MYRIP: variants seen among roughly 807,000 people sequenced by gnomAD.
MYRIP encodes rab effector MyRIP.
MYRIP carries 49 observed loss-of-function variants against 98.0 expected under a neutral mutation model. That is an observed-to-expected ratio of 0.50 (90% CI 0.40 to 0.63). The LOEUF (loss-of-function observed/expected upper bound fraction) is 0.63. Ranked by LOEUF, MYRIP falls within the 30% of genes least tolerant of loss-of-function variation. The pLI, the probability that MYRIP is intolerant of heterozygous loss-of-function variation, is 0.00. For synonymous variants in MYRIP, 404 were observed against 409.5 expected (o/e 0.99, Z 0.16); for missense variants, 1,004 against 1,058.2 (o/e 0.95, Z 0.71).
chr3:39,872,508 C>A lies in MYRIP; in HGVS notation c.-30-28279C>A, dbSNP rs992256985. ...CCCCCTCCCCCCATCCCACAACAGT[C>A]CCCAGAGTGTGATGTTCCCCTTCCT... On this transcript the variant is annotated intron_variant, in intron 1 of 16. Coordinates refer to ENST00000302541, the MANE Select transcript of MYRIP (RefSeq NM_015460.4). Among the ~76,000 whole-genome samples, 3 of 141,058 alleles carry A rather than the reference C, an allele frequency of 2.1e-5. No homozygotes were observed. In the Admixed American group the frequency reaches 2.2e-4, roughly 10 times the overall value. The allele number at this position is 141,058 out of a possible 152,430, so 92.5% of individuals were successfully genotyped here.
At chr3:40,197,962 G>A (rs1413155901) in intron 10 of MYRIP, among the ~76,000 whole-genome samples, 1 of 152,114 alleles carries the variant, frequency 6.6e-6, no homozygotes, top group South Asian at 2.1e-4. Flanking sequence ...TTACTGCCTC[G>A]CATTATGCTT....
intron 2 of MYRIP, among the ~76,000 whole-genome samples, chr3:40,024,893 T>C (rs141188679): frequency 6.6e-6 from 1 of 152,320 alleles, no homozygotes; most frequent in Non-Finnish European, 1.5e-5. Flanking sequence ...TGGTTTGAAC[T>C]GAAATAATTC....
chr3:40,237,524 C>T (rs1272664036), intron 12 of MYRIP, among the ~76,000 whole-genome samples: 1 of 152,208 alleles, frequency 6.6e-6, no homozygotes, highest in Admixed American at 6.5e-5. Context: ...TCCTGTAGAA[C>T]AGGGTTTACC....
At chr3:40,038,726 G>A (rs1947439473) in intron 2 of MYRIP, among the ~76,000 whole-genome samples, 1 of 152,060 alleles carries the variant, frequency 6.6e-6, no homozygotes. Flanking sequence ...ACAGGGGAAG[G>A]AGAGAGAGGG....
At chr3:40,118,200 T>C (rs1187698448) in intron 3 of MYRIP, among the ~76,000 whole-genome samples, 1 of 148,002 alleles carries the variant, frequency 6.8e-6, no homozygotes, top group Non-Finnish European at 1.5e-5. Context: ...TTAGCAAAGG[T>C]CAAAAAACTT....
Position 39,823,919 on chromosome 3 carries a change from A to G in MYRIP, c.-31+14003A>G, listed in dbSNP as rs145360242. On this transcript the variant is annotated intron_variant, in intron 1 of 16. Coordinates refer to ENST00000302541, the MANE Select transcript of MYRIP (RefSeq NM_015460.4). ...CATGCTTTTGAAGTCTTATCCATAA[A>G]ATCTTTTTCCAGATCAATGTCCTAA... Among the ~76,000 whole-genome samples, 751 of 152,170 alleles carry G rather than the reference A, an allele frequency of 4.9e-3. 3 individuals carry two copies. The highest frequency in any genetic ancestry group is 0.016 in the African/African-American group (647 of 41,524).
At chr3:39,996,964 A>G (rs1946375501) in intron 2 of MYRIP, among the ~76,000 whole-genome samples, 1 of 152,000 alleles carries the variant, frequency 6.6e-6, no homozygotes, top group South Asian at 2.1e-4. Flanking sequence ...AGGCAGAAAT[A>G]AAGATGTTCT....
chr3:39,955,413 T>C (rs1945130960), intron 2 of MYRIP, among the ~76,000 whole-genome samples: 1 of 152,184 alleles, frequency 6.6e-6, no homozygotes, highest in African/African-American at 2.4e-5. Flanking sequence ...CAGAATTTCA[T>C]ATCCAGCCAA....
In MYRIP at chr3:40,186,410, A is replaced by C. The variant is rs1383894936; in HGVS notation, c.1028-3416A>C. On this transcript the variant is annotated intron_variant, in intron 9 of 16. Transcript: ENST00000302541. Reference sequence around the variant, plus strand: ...ACAGGGAGGGGAGTAGAAATGTGAGACAAGGAAAGAAAATCAGGCAATAAA... The same window carrying C: ...ACAGGGAGGGGAGTAGAAATGTGAGCCAAGGAAAGAAAATCAGGCAATAAA... 2.6e-5 allele frequency among the ~76,000 whole-genome samples: 4 copies of C among 152,188 alleles called. No homozygotes were observed. The East Asian group carries it at 7.7e-4, about 29-fold the overall frequency.
At chr3:40,221,785 T>C (rs537517714) in intron 11 of MYRIP, among the ~76,000 whole-genome samples, 1 of 152,330 alleles carries the variant, frequency 6.6e-6, no homozygotes, top group South Asian at 2.1e-4. Context: ...AATTGTACTT[T>C]CAATTATTTA....
chr3:40,149,259 G>A (rs1471850752), intron 3 of MYRIP, among the ~76,000 whole-genome samples: 2 of 152,154 alleles, frequency 1.3e-5, no homozygotes, highest in African/African-American at 4.8e-5. Flanking sequence ...GGGAGCAAGA[G>A]AGAGGGAATG....
intron 3 of MYRIP, among the ~76,000 whole-genome samples, chr3:40,149,833 A>T (rs1168060779): frequency 1.3e-5 from 2 of 152,010 alleles, no homozygotes; most frequent in African/African-American, 4.8e-5. Context: ...CCTTGTATAG[A>T]TTGTTTTTTA....
chr3:40,003,869 T>G (rs1408181950), intron 2 of MYRIP, among the ~76,000 whole-genome samples: 3 of 152,200 alleles, frequency 2.0e-5, no homozygotes, highest in Non-Finnish European at 2.9e-5. Flanking sequence ...GGTTTATACC[T>G]GAATAATTTG....
chr3:39,974,835 G>A lies in MYRIP; in HGVS notation c.111-69215G>A, dbSNP rs567969739. ...CTCAATAGATGCAGAAAAGGCCTTC[G>A]AAAAAATTCAACAACCCTTCATGCT... On this transcript the variant is annotated intron_variant, in intron 2 of 16. Transcript: ENST00000302541. Among the ~76,000 whole-genome samples, 101 of 152,100 alleles carry A rather than the reference G, an allele frequency of 6.6e-4. 2 individuals are homozygous for A. Among genetic ancestry groups the A allele is most frequent in the Middle Eastern group, 3.4e-3 (1 of 294 alleles).
chr3:40,184,396 T>A (rs1371006918), intron 9 of MYRIP, among the ~76,000 whole-genome samples: 11 of 152,218 alleles, frequency 7.2e-5, no homozygotes, highest in Admixed American at 7.2e-4. Context: ...TAGGCACTAT[T>A]TTATTTTTTC....
intron 1 of MYRIP, among the ~76,000 whole-genome samples, chr3:39,829,115 A>C (rs1449844315): frequency 1.3e-5 from 2 of 152,184 alleles, no homozygotes; most frequent in African/African-American, 4.8e-5. Flanking sequence ...GTGTTCTGTG[A>C]TCGCCACATC....
intron 2 of MYRIP, among the ~76,000 whole-genome samples, chr3:39,991,149 A>AAAAT (rs1471667609): frequency 6.6e-6 from 1 of 152,218 alleles, no homozygotes; most frequent in Non-Finnish European, 1.5e-5. Context: ...AAAGTATAAT[A>AAAAT]AAATAAATAA....
chr3:40,166,387 G>A (rs1187324477), intron 5 of MYRIP, among the ~76,000 whole-genome samples: 1 of 152,150 alleles, frequency 6.6e-6, no homozygotes, highest in African/African-American at 2.4e-5. Flanking sequence ...ATACAACAAT[G>A]AATATGATCA....
intron 2 of MYRIP, among the ~76,000 whole-genome samples, chr3:40,000,759 G>A (rs1946501427): frequency 6.6e-6 from 1 of 152,070 alleles, no homozygotes; most frequent in Admixed American, 6.6e-5. Context: ...CCCATTCGCT[G>A]GTCATTCTGA....
Sources: gnomAD v4.1 joint callset for allele counts (sites outside exome capture counted in the v4.1 genomes callset) on GRCh38, gnomAD v4.1.1 for gene constraint, MANE v1.5 for transcripts, NCBI Gene and HGNC (gene_info 2026-07-23, HGNC 2026-07-21) for gene names.